Variants in MSI2 observed in about 807,000 individuals in gnomAD.
The protein encoded by MSI2 is musashi RNA binding protein 2, also known as RNA-binding protein Musashi homolog 2.
In MSI2, 17 loss-of-function variants were observed where a neutral mutation model predicts 45.6. The ratio of observed to expected loss-of-function variants is 0.37; its 90% CI spans 0.26 to 0.56. MSI2 has a LOEUF of 0.56. MSI2 is among the 20% of genes least tolerant of loss of function. The pLI, the probability that MSI2 is intolerant of heterozygous loss-of-function variation, is 0.77. For synonymous variants in MSI2, 156 were observed against 158.2 expected (o/e 0.99, Z 0.11); for missense variants, 293 against 444.2 (o/e 0.66, Z 3.06).
chr17:57,383,048 C>G (rs541724635), intron 5 of MSI2, among the ~76,000 whole-genome samples: 4 of 152,222 alleles, frequency 2.6e-5, no homozygotes, highest in Non-Finnish European at 1.5e-5. Context: ...GGTGGAGGAC[C>G]AAGGAGGCTT....
intron 5 of MSI2, among the ~76,000 whole-genome samples, chr17:57,319,375 A>G (rs955149826): frequency 6.6e-6 from 1 of 152,178 alleles, no homozygotes; most frequent in East Asian, 1.9e-4. Flanking sequence ...GAATGTCCAG[A>G]TTCCCCCTGG....
chr17:57,412,219 G>T (rs1416291062), intron 6 of MSI2, among the ~76,000 whole-genome samples: 1 of 151,950 alleles, frequency 6.6e-6, no homozygotes, highest in Non-Finnish European at 1.5e-5. Flanking sequence ...TGTATTTTTA[G>T]TAGAGACAGG....
intron 11 of MSI2, among the ~76,000 whole-genome samples, chr17:57,662,252 A>G (rs569578568): frequency 1.1e-4 from 17 of 152,172 alleles, no homozygotes; most frequent in Non-Finnish European, 2.5e-4. Context: ...CTGTCAGGGG[A>G]TGAGAACACC....
At chr17:57,328,809 AG>A (rs2143715413) in intron 5 of MSI2, among the ~76,000 whole-genome samples, 1 of 151,848 alleles carries the variant, frequency 6.6e-6, no homozygotes, top group Admixed American at 6.6e-5. Context: ...GGTGGGTTAA[AG>A]TTTGTGTGTT....
At chr17:57,600,426 T>C (rs1905736926) in intron 8 of MSI2, among the ~76,000 whole-genome samples, 1 of 152,220 alleles carries the variant, frequency 6.6e-6, no homozygotes, top group Admixed American at 6.5e-5. Flanking sequence ...TCTGGTTCAA[T>C]CTCATGTGCC....
rs386386327 is a variant in MSI2 at position 57,295,992 on chromosome 17, C to CTTTTTTTTTT, written c.312+33825_312+33834dup. 1.8e-4 allele frequency among the ~76,000 whole-genome samples: 7 copies of CTTTTTTTTTT among 38,650 alleles called. 1 individual carries two copies. The highest frequency in any genetic ancestry group is 4.1e-4 in the African/African-American group (6 of 14,794). 25.4% of individuals were successfully genotyped at this position (38,650 alleles called of 152,430 possible). ...TGAGTTACCAGTTCACGCAGCCTTC[C>CTTTTTTTTTT]TTTTTTTTTTTTTTTTTTTTTTTTT... On this transcript the variant is annotated intron_variant, in intron 5 of 13. Transcript: ENST00000284073.
chr17:57,546,028 TG>T (rs1297021740), intron 7 of MSI2, among the ~76,000 whole-genome samples: 1 of 152,174 alleles, frequency 6.6e-6, no homozygotes, highest in Non-Finnish European at 1.5e-5. Context: ...GGGCAGCTGC[TG>T]GGTGCGAAGG....
chr17:57,492,759 G>A (rs545425292), intron 6 of MSI2, among the ~76,000 whole-genome samples: 9 of 152,246 alleles, frequency 5.9e-5, no homozygotes, highest in African/African-American at 1.9e-4. Flanking sequence ...ACCACACCCA[G>A]TTAATTTTTG....
At chr17:57,594,024 A>G (rs189656168) in intron 7 of MSI2, among the ~76,000 whole-genome samples, 3 of 152,338 alleles carry the variant, frequency 2.0e-5, no homozygotes, top group Admixed American at 2.0e-4. Context: ...GTCTTGAGGC[A>G]AAGCAGTGAC....
chr17:57,571,062 G>T (rs575176243), intron 7 of MSI2, among the ~76,000 whole-genome samples: 2 of 152,324 alleles, frequency 1.3e-5, no homozygotes, highest in South Asian at 4.1e-4. Context: ...ATAATTGGCC[G>T]CCTTGTTGAT....
At chr17:57,564,663 A>C (rs1379851480) in intron 7 of MSI2, among the ~76,000 whole-genome samples, 1 of 152,202 alleles carries the variant, frequency 6.6e-6, no homozygotes, top group Non-Finnish European at 1.5e-5. Flanking sequence ...TGTGTCCAGC[A>C]CAGTGCACAG....
chr17:57,525,921 G>A (rs1864712680), intron 6 of MSI2, among the ~76,000 whole-genome samples: 1 of 152,196 alleles, frequency 6.6e-6, no homozygotes, highest in Non-Finnish European at 1.5e-5. Flanking sequence ...TATTTCATAA[G>A]GGGTTAGAGA....
rs117935890 is a variant in MSI2 at position 57,417,917 on chromosome 17, T to C, written c.405+16446T>C. 5.1e-3 allele frequency among the ~76,000 whole-genome samples: 782 copies of C among 152,338 alleles called. 3 individuals are homozygous for C. Among genetic ancestry groups the C allele is most frequent in the Non-Finnish European group, 8.3e-3 (562 of 68,032 alleles). ...AAAGAGGCAATAAAAAGAAATACCA[T>C]TTATTTTCACAATTGTTCCTTCCTC... On this transcript the variant is annotated intron_variant, in intron 6 of 13. Coordinates refer to ENST00000284073, the MANE Select transcript of MSI2 (RefSeq NM_138962.4).
chr17:57,649,014 G>A (rs959647126), intron 10 of MSI2, among the ~76,000 whole-genome samples: 3 of 152,160 alleles, frequency 2.0e-5, no homozygotes, highest in Non-Finnish European at 2.9e-5. Context: ...TGTGTCCTGC[G>A]AAGGGCCTGT....
intron 5 of MSI2, among the ~76,000 whole-genome samples, chr17:57,386,001 A>C (rs1188480187): frequency 3.9e-5 from 6 of 152,220 alleles, no homozygotes; most frequent in Admixed American, 2.0e-4. Context: ...AATCAGGAGT[A>C]GGTAATACAG....
intron 5 of MSI2, chr17:57,279,652 C>CT (rs200845564): frequency 0.026 from 3,908 of 151,712 alleles, 65 homozygotes; most frequent in Non-Finnish European, 0.034. Flanking sequence ...TTTCTTTTTT[C>CT]TTTTTTTTGT....
chr17:57,553,629 G>A (rs1170647924), intron 7 of MSI2, among the ~76,000 whole-genome samples: 4 of 152,148 alleles, frequency 2.6e-5, no homozygotes, highest in Non-Finnish European at 5.9e-5. Context: ...AATCTATCTC[G>A]GCTCTGAATC....
intron 5 of MSI2, among the ~76,000 whole-genome samples, chr17:57,387,026 T>C (rs537957777): frequency 1.8e-4 from 27 of 152,312 alleles, no homozygotes; most frequent in Middle Eastern, 3.4e-3. Flanking sequence ...TGTGTCTGAT[T>C]TGACAGCCCT....
At chr17:57,479,324 T>C (rs1210985504) in intron 6 of MSI2, among the ~76,000 whole-genome samples, 2 of 152,112 alleles carry the variant, frequency 1.3e-5, no homozygotes, top group South Asian at 2.1e-4. Flanking sequence ...GATTTGGAGA[T>C]GGGAAAGGTT....
Sources: gnomAD v4.1 joint callset for allele counts (sites outside exome capture counted in the v4.1 genomes callset) on GRCh38, gnomAD v4.1.1 for gene constraint, MANE v1.5 for transcripts, NCBI Gene and HGNC (gene_info 2026-07-23, HGNC 2026-07-21) for gene names.